The following CSMD1 variants were observed in gnomAD, a reference collection of about 807,000 sequenced individuals.
The protein encoded by CSMD1 is CUB and Sushi multiple domains 1, also known as CUB and sushi domain-containing protein 1.
Under a neutral mutation model 417.5 loss-of-function variants are expected in CSMD1, and 213 were observed. The ratio of observed to expected loss-of-function variants is 0.51; its 90% CI spans 0.46 to 0.57. CSMD1 has a LOEUF of 0.57. Among genes scored for constraint, CSMD1 ranks in the 20% least tolerant of loss-of-function variants. The pLI, the probability that CSMD1 is intolerant of heterozygous loss-of-function variation, is 0.00. For missense variants in CSMD1, 6,923 were observed against 4,529.7 expected, an observed-to-expected ratio of 1.53 and a Z score of -15.17; for synonymous variants, 2,862 against 1,736.8, an observed-to-expected ratio of 1.65 and a Z score of -16.11.
At chr8:4,831,112 A>C (rs955574721) in intron 1 of CSMD1, among the ~76,000 whole-genome samples, 2 of 152,214 alleles carry the variant, frequency 1.3e-5, no homozygotes, top group Non-Finnish European at 1.5e-5. Flanking sequence ...CCTATGCCTT[A>C]GGAAAAAAGA....
intron 3 of CSMD1, among the ~76,000 whole-genome samples, chr8:4,051,006 G>C (rs1006808355): frequency 6.6e-6 from 1 of 152,082 alleles, no homozygotes; most frequent in African/African-American, 2.4e-5. Context: ...TACTTTTAAG[G>C]AGGAAGGAGC....
chr8:3,090,832 A>G (rs543481151), intron 48 of CSMD1, among the ~76,000 whole-genome samples: 72 of 152,332 alleles, frequency 4.7e-4, no homozygotes, highest in Non-Finnish European at 8.5e-4. Context: ...CTTCTGTAGG[A>G]AAGTTTAAAG....
rs534038583 is a variant in CSMD1, at chr8:4,915,293, A to G, written c.85+79039T>C. Among the ~76,000 whole-genome samples, 3 of 152,330 alleles carry G rather than the reference A, an allele frequency of 2.0e-5. No homozygotes were observed. The East Asian group carries it at 5.8e-4, about 29-fold the overall frequency. ...AATTCATAGGCATAACACCCCTCCCAAAAGCAGACTTTCCCGTGTGGATTT... is the reference window on the plus strand; with the variant it reads ...AATTCATAGGCATAACACCCCTCCCGAAAGCAGACTTTCCCGTGTGGATTT... On this transcript the variant is annotated intron_variant, in intron 1 of 69. Transcript: ENST00000635120.
intron 12 of CSMD1, among the ~76,000 whole-genome samples, chr8:3,416,790 G>A (rs1412677776): frequency 6.6e-6 from 1 of 152,186 alleles, no homozygotes; most frequent in African/African-American, 2.4e-5. Context: ...TGTGTTCTTT[G>A]TTCTCTGTGA....
At chr8:4,333,089 AT>A (rs2128891653) in intron 3 of CSMD1, among the ~76,000 whole-genome samples, 1 of 152,224 alleles carries the variant, frequency 6.6e-6, no homozygotes. Flanking sequence ...TTTTTTCAGG[AT>A]GGAATTGTGT....
At chr8:3,410,628 T>C (rs1470520633) in intron 12 of CSMD1, among the ~76,000 whole-genome samples, 1 of 152,246 alleles carries the variant, frequency 6.6e-6, no homozygotes, top group Non-Finnish European at 1.5e-5. Flanking sequence ...TGTGGAACTG[T>C]AAGTCCATTA....
chr8:4,604,414 C>CGCGCGT (rs1800762891), intron 2 of CSMD1, among the ~76,000 whole-genome samples: 4 of 79,126 alleles, frequency 5.1e-5, no homozygotes, highest in South Asian at 4.0e-4. Context: ...TGTGTGTGCG[C>CGCGCGT]GTGCGTAAAG....
intron 25 of CSMD1, among the ~76,000 whole-genome samples, chr8:3,294,528 C>G (rs977089657): frequency 1.3e-5 from 2 of 151,086 alleles, no homozygotes; most frequent in Non-Finnish European, 3.0e-5. Context: ...ATGGCGGGCG[C>G]CCCTCCCCCA....
intron 3 of CSMD1, among the ~76,000 whole-genome samples, chr8:4,284,710 C>A (rs945141228): frequency 1.3e-5 from 2 of 152,114 alleles, no homozygotes; most frequent in African/African-American, 4.8e-5. Context: ...ATTTGGATTT[C>A]TACGACTCCC....
At chr8:3,682,286 T>G (rs1799706535) in intron 7 of CSMD1, among the ~76,000 whole-genome samples, 1 of 152,094 alleles carries the variant, frequency 6.6e-6, no homozygotes, top group Non-Finnish European at 1.5e-5. Flanking sequence ...TTTTGCAATC[T>G]ACTCATCTGA....
intron 3 of CSMD1, among the ~76,000 whole-genome samples, chr8:4,049,707 T>G (rs571241079): frequency 6.6e-6 from 1 of 152,172 alleles, no homozygotes; most frequent in East Asian, 1.9e-4. Context: ...AATTTTCAAA[T>G]TTAGACTACT....
chr8:2,949,243 A>G, intron 68 of CSMD1, 56 bp downstream of exon 68: 2 of 961,970 alleles, frequency 2.1e-6, no homozygotes, highest in Non-Finnish European at 3.3e-6. Flanking sequence ...TCTTAGAAAC[A>G]TCATTGGAAA....
At chr8:3,544,441 A>G (rs1330769568) in intron 10 of CSMD1, among the ~76,000 whole-genome samples, 3 of 151,898 alleles carry the variant, frequency 2.0e-5, no homozygotes, top group Non-Finnish European at 4.4e-5. Flanking sequence ...TCTTTCTCTT[A>G]CTCTCGGGAA....
intron 2 of CSMD1, among the ~76,000 whole-genome samples, chr8:4,466,168 G>T (rs1055381151): frequency 6.6e-6 from 1 of 152,152 alleles, no homozygotes; most frequent in African/African-American, 2.4e-5. Context: ...TTACTCCGTG[G>T]TCTTAAGAGC....
chr8:4,951,818 C>G (rs1808768006), intron 1 of CSMD1, among the ~76,000 whole-genome samples: 1 of 148,456 alleles, frequency 6.7e-6, no homozygotes, highest in South Asian at 2.2e-4. Flanking sequence ...CTCCTTTGCA[C>G]AAGCTGCTTA....
intron 10 of CSMD1, among the ~76,000 whole-genome samples, chr8:3,527,990 C>G (rs898848822): frequency 1.3e-5 from 2 of 152,160 alleles, no homozygotes; most frequent in African/African-American, 4.8e-5. Flanking sequence ...GCCAGTCGTA[C>G]TTCTCCCTGG....
intron 4 of CSMD1, among the ~76,000 whole-genome samples, chr8:4,008,379 T>C (rs561814860): frequency 1.3e-5 from 2 of 151,998 alleles, no homozygotes; most frequent in African/African-American, 4.8e-5. Context: ...CATGAAAATA[T>C]ATCAAAGTTT....
intron 5 of CSMD1, among the ~76,000 whole-genome samples, chr8:3,909,420 G>A (rs1055731072): frequency 2.0e-5 from 3 of 152,138 alleles, no homozygotes; most frequent in East Asian, 1.9e-4. Context: ...AGGGTGCCGA[G>A]GGCAGGATAC....
In CSMD1 at chr8:4,819,305, A is replaced by G. The variant is rs190561077; in HGVS notation, c.85+175027T>C. Among the ~76,000 whole-genome samples, 35 of 152,264 alleles carry G rather than the reference A, an allele frequency of 2.3e-4. No individual in the cohort carries two copies. The East Asian group carries it at 3.5e-3, about 15-fold the overall frequency. ...AAAAACTTGTTCATATGATTTACCAATTGTATTAGACAACATAGCTCATAT... is the reference window on the plus strand; with the variant it reads ...AAAAACTTGTTCATATGATTTACCAGTTGTATTAGACAACATAGCTCATAT... On this transcript the variant is annotated intron_variant, in intron 1 of 69. Transcript: ENST00000635120.
Sources: allele counts gnomAD v4.1 joint callset (sites outside exome capture counted in the v4.1 genomes callset), GRCh38; gene constraint gnomAD v4.1.1; transcripts MANE v1.5; gene names NCBI Gene and HGNC (gene_info 2026-07-23, HGNC 2026-07-21).